The following AUTS2 variants were observed in gnomAD, a reference collection of about 807,000 sequenced individuals.
The protein encoded by AUTS2 is autism susceptibility gene 2 protein.
AUTS2 carries 17 observed loss-of-function variants against 112.4 expected under a neutral mutation model. The ratio of observed to expected loss-of-function variants is 0.15; its 90% CI spans 0.10 to 0.23. The LOEUF (loss-of-function observed/expected upper bound fraction) is 0.23, where lower values mean the gene tolerates loss of function less well. Among genes scored for constraint, AUTS2 ranks in the 10% least tolerant of loss-of-function variants. The pLI, the probability that AUTS2 is intolerant of heterozygous loss-of-function variation, is 1.00. For missense variants in AUTS2, 1,510 were observed against 1,701.6 expected (o/e 0.89, Z 1.98); for synonymous variants, 751 against 702.7 (o/e 1.07, Z -1.09).
chr7:69,661,307 T>C (rs1444451967), intron 1 of AUTS2, among the ~76,000 whole-genome samples: 1 of 152,198 alleles, frequency 6.6e-6, no homozygotes, highest in Non-Finnish European at 1.5e-5. Context: ...AAGTTGACAA[T>C]AAATGTTAGA....
chr7:70,653,344 G>A (rs1806608330), intron 5 of AUTS2, among the ~76,000 whole-genome samples: 1 of 152,142 alleles, frequency 6.6e-6, no homozygotes, highest in East Asian at 1.9e-4. Flanking sequence ...TTTGAAGAAT[G>A]CTTCACACTG....
In AUTS2 at chr7:70,307,284, G is replaced by A. The variant is rs372387761; in HGVS notation, c.661-128468G>A. Among the ~76,000 whole-genome samples the A allele has an allele frequency of 1.8e-4, 27 of 152,158 alleles. No homozygotes were observed. In the East Asian group the frequency reaches 2.5e-3, roughly 14 times the overall value. On this transcript the variant is annotated intron_variant, in intron 4 of 18. Transcript: ENST00000342771. ...TAATTTCAAGGTGTTTGACCACATC[G>A]GTCAGTTTGAAAATCATACCTGACC...
chr7:69,611,653 G>A (rs1326071305), intron 1 of AUTS2, among the ~76,000 whole-genome samples: 6 of 152,118 alleles, frequency 3.9e-5, no homozygotes, highest in African/African-American at 1.4e-4. Context: ...ATTGTAGGCC[G>A]GGCGCGGTGG....
intron 1 of AUTS2, among the ~76,000 whole-genome samples, chr7:69,831,343 G>A (rs1272976648): frequency 1.3e-5 from 2 of 152,150 alleles, no homozygotes; most frequent in Non-Finnish European, 2.9e-5. Context: ...CATCATTGCT[G>A]GAAATGAGAT....
chr7:70,787,063 G>A (rs1343563473), intron 17 of AUTS2, 146 bp from the exon 18 acceptor site: 1 of 805,466 alleles, frequency 1.2e-6, no homozygotes, highest in Non-Finnish European at 2.1e-6. Flanking sequence ...TAATGAATTT[G>A]TTAATCTCCT....
chr7:70,226,636 A>G (rs1458258838), intron 4 of AUTS2, among the ~76,000 whole-genome samples: 1 of 152,148 alleles, frequency 6.6e-6, no homozygotes, highest in African/African-American at 2.4e-5. Flanking sequence ...CTACCCTGCC[A>G]TCACCTCTTT....
chr7:69,647,690 A>C (rs560021122), intron 1 of AUTS2, among the ~76,000 whole-genome samples: 1 of 152,332 alleles, frequency 6.6e-6, no homozygotes, highest in African/African-American at 2.4e-5. Flanking sequence ...AGCTTGTATT[A>C]GTTTCCAAGG....
At chr7:69,658,880 C>T (rs150422463) in intron 1 of AUTS2, among the ~76,000 whole-genome samples, 2,355 of 152,218 alleles carry the variant, frequency 0.015, 61 homozygotes, top group African/African-American at 0.05. Flanking sequence ...AACAATGTGG[C>T]CTTTGAGAAC....
intron 5 of AUTS2, among the ~76,000 whole-genome samples, chr7:70,610,071 C>T (rs778307236): frequency 6.6e-6 from 1 of 152,056 alleles, no homozygotes; most frequent in Non-Finnish European, 1.5e-5. Context: ...GGCATCTTGG[C>T]TCACTGCAAT....
intron 5 of AUTS2, among the ~76,000 whole-genome samples, chr7:70,606,183 G>A (rs778691280): frequency 2.6e-5 from 4 of 152,178 alleles, no homozygotes; most frequent in Non-Finnish European, 4.4e-5. Context: ...ATTATCAGAG[G>A]AGATAATTAC....
At chr7:69,940,669 G>A (rs916842357) in intron 2 of AUTS2, among the ~76,000 whole-genome samples, 3 of 152,168 alleles carry the variant, frequency 2.0e-5, no homozygotes, top group South Asian at 2.1e-4. Context: ...AAGCTTTAAC[G>A]TGTTTCTCAC....
At chr7:70,304,726 T>C (rs1260410148) in intron 4 of AUTS2, among the ~76,000 whole-genome samples, 1 of 146,130 alleles carries the variant, frequency 6.8e-6, no homozygotes, top group Non-Finnish European at 1.5e-5. Context: ...ACTTTTTTTT[T>C]TTTTTTTTTT....
In AUTS2 at chr7:70,055,933, C is replaced by T. The variant is rs530208748; in HGVS notation, c.523-62199C>T. Among the ~76,000 whole-genome samples the T allele has an allele frequency of 5.3e-5, 8 of 151,946 alleles. 1 individual carries two copies. The South Asian group carries it at 1.7e-3, about 32-fold the overall frequency. On this transcript the variant is annotated intron_variant, in intron 2 of 18. Coordinates refer to ENST00000342771, the MANE Select transcript of AUTS2 (RefSeq NM_015570.4). ...ACTCCTGACCTCGTGATCCACCCACCTCAGCCTGCCAAACTGCTGAGATTA... is the reference window on the plus strand; with the variant it reads ...ACTCCTGACCTCGTGATCCACCCACTTCAGCCTGCCAAACTGCTGAGATTA...
chr7:70,560,323 CACTT>C (rs750219560), intron 5 of AUTS2, among the ~76,000 whole-genome samples: 1 of 152,192 alleles, frequency 6.6e-6, no homozygotes, highest in Non-Finnish European at 1.5e-5. Flanking sequence ...CATCTATATT[CACTT>C]ACTTACTGCC....
chr7:69,745,627 C>A (rs1468455756), intron 1 of AUTS2, among the ~76,000 whole-genome samples: 1 of 152,104 alleles, frequency 6.6e-6, no homozygotes, highest in Non-Finnish European at 1.5e-5. Flanking sequence ...AATTTAATAT[C>A]TTGCTGCAGG....
In AUTS2 at chr7:70,118,457, A is replaced by G. The variant is rs1805503939; in HGVS notation, c.624+224A>G. On this transcript the variant is annotated intron_variant, in intron 3 of 18. Transcript: ENST00000342771. ...GAGCAAAAATGTATTTTGACAAATC[A>G]TTAGGTAGGAGGAACTATTTGTTAC... The G allele has an allele frequency of 8.2e-6, 4 of 489,930 alleles. No homozygotes were observed. The Admixed American group carries it at 1.7e-4, about 21-fold the overall frequency. The allele number at this position is 489,930 out of a possible 1,614,324, so 30.3% of individuals were successfully genotyped here. A position where few individuals can be genotyped will look rare whatever the true frequency, so the allele number is the denominator to read the frequency against.
intron 5 of AUTS2, among the ~76,000 whole-genome samples, chr7:70,478,850 C>G (rs1797682957): frequency 6.6e-6 from 1 of 151,734 alleles, no homozygotes; most frequent in Non-Finnish European, 1.5e-5. Context: ...TGCACATGTA[C>G]ACAGATAATT....
In AUTS2 at chr7:69,629,336, T is replaced by G. The variant is rs144822287; in HGVS notation, c.309+29374T>G. Among the ~76,000 whole-genome samples the G allele has an allele frequency of 6.4e-3, 969 of 152,316 alleles. 7 individuals are homozygous for G. Among genetic ancestry groups the G allele is most frequent in the African/African-American group, 0.022 (901 of 41,564 alleles). ...TATGGAGCTGTGGTACTCCCTTTCT[T>G]CAGGGCTGTTTTGAACATAATGCTT... On this transcript the variant is annotated intron_variant, in intron 1 of 18. Transcript: ENST00000342771.
At chr7:70,344,874 G>A (rs531572840) in intron 4 of AUTS2, among the ~76,000 whole-genome samples, 11 of 152,318 alleles carry the variant, frequency 7.2e-5, no homozygotes, top group African/African-American at 2.2e-4. Flanking sequence ...CAAGAATATA[G>A]TTAATTAGGA....
Sources: gnomAD v4.1 joint callset for allele counts (sites outside exome capture counted in the v4.1 genomes callset) on GRCh38, gnomAD v4.1.1 for gene constraint, MANE v1.5 for transcripts, NCBI Gene and HGNC (gene_info 2026-07-23, HGNC 2026-07-21) for gene names.